Variants in NEK10 observed in about 807,000 individuals in gnomAD.
NEK10 encodes NIMA related kinase 10.
NEK10 carries 122 observed loss-of-function variants against 159.8 expected under a neutral mutation model. That is an observed-to-expected ratio of 0.76 (90% CI 0.66 to 0.89). The LOEUF is 0.89. Among genes scored for constraint, NEK10 ranks in the 40% least tolerant of loss-of-function variants. The pLI is 0.00. For synonymous variants in NEK10, 466 were observed against 457.1 expected (o/e 1.02, Z -0.25); for missense variants, 1,342 against 1,323.1 (o/e 1.01, Z -0.22).
intron 5 of NEK10, among the ~76,000 whole-genome samples, chr3:27,332,632 G>A (rs1183879227): frequency 6.6e-6 from 1 of 152,096 alleles, no homozygotes; most frequent in Non-Finnish European, 1.5e-5. Flanking sequence ...CTTGTAATAC[G>A]GAATCTTCAC....
At chr3:27,231,392 A>C (rs536126267) in intron 23 of NEK10, among the ~76,000 whole-genome samples, 54 of 152,176 alleles carry the variant, frequency 3.5e-4, no homozygotes, top group African/African-American at 1.3e-3. Context: ...TATATCAAAA[A>C]GTCTGAAAGA....
intron 25 of NEK10, among the ~76,000 whole-genome samples, chr3:27,199,523 T>C (rs972734991): frequency 3.3e-5 from 5 of 152,196 alleles, no homozygotes; most frequent in Admixed American, 6.5e-5. Flanking sequence ...GTAAATTAGT[T>C]CTACCATTGT....
At chr3:27,326,449 T>C (rs759618160) in intron 5 of NEK10, among the ~76,000 whole-genome samples, 5 of 152,190 alleles carry the variant, frequency 3.3e-5, no homozygotes, top group Non-Finnish European at 7.3e-5. Flanking sequence ...ATGTGTACAG[T>C]TGGTATTTTT....
chr3:27,286,545 C>CTT (rs36101281), intron 20 of NEK10, among the ~76,000 whole-genome samples: 13,262 of 64,844 alleles, frequency 0.2, 2,855 homozygotes, highest in African/African-American at 0.4. Flanking sequence ...CCACGCCCAG[C>CTT]TTTTTTTTTT....
At chr3:27,138,907 A>C (rs1272272227) in intron 31 of NEK10, among the ~76,000 whole-genome samples, 9 of 152,218 alleles carry the variant, frequency 5.9e-5, no homozygotes, top group Admixed American at 5.2e-4. Flanking sequence ...TGAAGAACAC[A>C]AGGACTATGG....
In NEK10 at chr3:27,115,841, GA is replaced by G. The variant is rs879291406; in HGVS notation, c.3299+98del. The G allele has an allele frequency of 1.6e-4, 141 of 861,640 alleles. 1 individual carries two copies. The South Asian group carries it at 1.7e-3, about 10-fold the overall frequency. 53.4% of individuals were successfully genotyped at this position (861,640 alleles called of 1,614,324 possible). A position where few individuals can be genotyped will look rare whatever the true frequency, so the allele number is the denominator to read the frequency against. On this transcript the variant is annotated intron_variant, in intron 35 of 35. Transcript: ENST00000691995. ...TATAAAAGTATTTAAAATAAAATCT[GA>G]AAAAAAATCCCTCTGGAATAAAGGA...
At chr3:27,127,065 C>A (rs1250870706) in intron 32 of NEK10, among the ~76,000 whole-genome samples, 2 of 152,080 alleles carry the variant, frequency 1.3e-5, no homozygotes, top group Admixed American at 1.3e-4. Context: ...AAACTTCAAA[C>A]ATTTACAAAA....
chr3:27,115,033 C>T (rs1940190657), intron 35 of NEK10, among the ~76,000 whole-genome samples: 1 of 152,168 alleles, frequency 6.6e-6, no homozygotes, highest in African/African-American at 2.4e-5. Flanking sequence ...CTGAGGATTT[C>T]TCTGACCCCT....
At chr3:27,277,214 G>A (rs192800372) in intron 22 of NEK10, among the ~76,000 whole-genome samples, 65 of 150,968 alleles carry the variant, frequency 4.3e-4, no homozygotes, top group African/African-American at 1.5e-3. Context: ...CAATCTGCTG[G>A]GGATACTGGA....
chr3:27,344,069 C>A (rs2047382813), intron 5 of NEK10, among the ~76,000 whole-genome samples: 2 of 152,128 alleles, frequency 1.3e-5, no homozygotes, highest in African/African-American at 4.8e-5. Flanking sequence ...TCCCATTTTT[C>A]CTTATCTGTC....
chr3:27,308,875 T>A, intron 10 of NEK10, 51 bp downstream of exon 10: 1 of 825,320 alleles, frequency 1.2e-6, no homozygotes, highest in Non-Finnish European at 1.9e-6. Context: ...CCTTACCACC[T>A]AAATTGCTAT....
rs1575967228 is a variant in NEK10 at position 27,366,333 on chromosome 3, C to T, written c.-38+2892G>A. On this transcript the variant is annotated intron_variant, in intron 1 of 35. Transcript: ENST00000691995. ...GTGTTCTATGAACTCTGCTCTACTG[C>T]GCCCTGAGAACTGTCCTAAGAGAAT... Among the ~76,000 whole-genome samples, 3 of 152,282 alleles carry T rather than the reference C, an allele frequency of 2.0e-5. 1 individual carries two copies. Among genetic ancestry groups the T allele is most frequent in the East Asian group, 1.9e-4 (1 of 5,182 alleles).
intron 23 of NEK10, among the ~76,000 whole-genome samples, chr3:27,234,181 C>T (rs549861776): frequency 1.3e-5 from 2 of 151,824 alleles, no homozygotes. Context: ...ATGGGCAAAA[C>T]CTGGAAGCAT....
intron 26 of NEK10, among the ~76,000 whole-genome samples, chr3:27,191,403 GAAGA>G (rs1949107536): frequency 6.6e-6 from 1 of 152,170 alleles, no homozygotes; most frequent in African/African-American, 2.4e-5. Flanking sequence ...CAAAGACACA[GAAGA>G]AAGAAAATAA....
At chr3:27,202,211 T>C (rs1950116413) in intron 24 of NEK10, among the ~76,000 whole-genome samples, 1 of 152,010 alleles carries the variant, frequency 6.6e-6, no homozygotes, top group Non-Finnish European at 1.5e-5. Context: ...AAAAATAATT[T>C]TGTATTATAA....
At position 27,111,166 on chromosome 3, in the gene NEK10, C is replaced by T. The variant is rs1255529270; in HGVS notation, c.*106G>A. 2 of 1,085,854 alleles carry T rather than the reference C, an allele frequency of 1.8e-6. No individual in the cohort carries two copies. The highest frequency in any genetic ancestry group is 1.6e-5 in the African/African-American group (1 of 62,974). The allele number at this position is 1,085,854 out of a possible 1,614,324, so 67.3% of individuals were successfully genotyped here. A position where few individuals can be genotyped will look rare whatever the true frequency, so the allele number is the denominator to read the frequency against. The stretch of plus-strand genomic sequence containing the variant: ...AGGCCCCATGGCATCTTGGTCTTTT[C>T]CACACCCTCTAGCAGCACCCAATCC... On this transcript the variant is annotated 3_prime_UTR_variant, in exon 36 of 36. Transcript: ENST00000691995.
At chr3:27,288,150 T>G (rs1158159772) in intron 19 of NEK10, among the ~76,000 whole-genome samples, 1 of 152,198 alleles carries the variant, frequency 6.6e-6, no homozygotes, top group Non-Finnish European at 1.5e-5. Flanking sequence ...GTTCTTTACC[T>G]CTCTCTACCA....
intron 31 of NEK10, among the ~76,000 whole-genome samples, chr3:27,134,577 T>A (rs1205061200): frequency 2.0e-5 from 3 of 152,214 alleles, no homozygotes; most frequent in Admixed American, 1.3e-4. Context: ...TGAGAATTCT[T>A]GCGATTTATT....
chr3:27,130,501 C>T (rs770836950), intron 32 of NEK10, among the ~76,000 whole-genome samples: 5 of 152,024 alleles, frequency 3.3e-5, no homozygotes, highest in Admixed American at 1.3e-4. Context: ...AAGTAATAAA[C>T]GAGAAAATAA....
Sources: allele counts gnomAD v4.1 joint callset (sites outside exome capture counted in the v4.1 genomes callset), GRCh38; gene constraint gnomAD v4.1.1; transcripts MANE v1.5; gene names NCBI Gene and HGNC (gene_info 2026-07-23, HGNC 2026-07-21).